Variants in MAST1 observed in about 807,000 individuals in gnomAD.
The protein encoded by MAST1 is microtubule associated serine/threonine kinase 1.
Under a neutral mutation model 124.6 loss-of-function variants are expected in MAST1, and 40 were observed. The observed-to-expected ratio is 0.32, with a 90% CI of 0.25 to 0.42. The LOEUF (loss-of-function observed/expected upper bound fraction) is 0.42. Among genes scored for constraint, MAST1 ranks in the 10% least tolerant of loss-of-function variants. MAST1 has a pLI of 1.00. For missense variants in MAST1, 1,558 were observed against 2,181.9 expected (o/e 0.71, Z 5.70); for synonymous variants, 938 against 939.4 (o/e 1.00, Z 0.03).
chr19:12,853,636 G>A (rs975291244), intron 10 of MAST1, among the ~76,000 whole-genome samples: 1 of 152,074 alleles, frequency 6.6e-6, no homozygotes, highest in African/African-American at 2.4e-5. Flanking sequence ...GGGAGGCCAA[G>A]ATGGGTGGAT....
In MAST1 at chr19:12,865,947, C is replaced by T. The variant is rs1568413524; in HGVS notation, c.1907-33C>T. 1 of 1,612,476 alleles carries T rather than the reference C, an allele frequency of 6.2e-7. No homozygotes were observed. The highest frequency in any genetic ancestry group is 1.7e-5 in the Admixed American group (1 of 59,930). ...GGCGGGGCTGGGCTGCTGGGTTGGC[C>T]ATCAGCTGTGGCTGGAATCCCTTCC... is the stretch of plus-strand genomic sequence containing the variant. On this transcript the variant is annotated intron_variant, in intron 16 of 25. Transcript: ENST00000251472. The surrounding 1 kb of genome is among the most constrained non-coding windows in gnomAD (Gnocchi z 7.1).
At chr19:12,839,947 A>T (rs1042581616) in intron 1 of MAST1, among the ~76,000 whole-genome samples, 1 of 152,230 alleles carries the variant, frequency 6.6e-6, no homozygotes, top group Admixed American at 6.5e-5. Flanking sequence ...TGCCTGTGTT[A>T]CAGCACACAT....
In MAST1 at chr19:12,841,054, C is replaced by A; in HGVS notation, c.236C>A (p.Ala79Asp). The A allele has an allele frequency of 6.6e-7, 1 of 1,511,268 alleles. No individual in the cohort carries two copies. The highest frequency in any genetic ancestry group is 9.2e-7 in the Non-Finnish European group (1 of 1,085,884). The allele number at this position is 1,511,268 out of a possible 1,614,324, so 93.6% of individuals were successfully genotyped here. A position where few individuals can be genotyped will look rare whatever the true frequency, so the allele number is the denominator to read the frequency against. ...SPNTPAHFSF[A>D]SSRRADGRRW... The stretch of plus-strand genomic sequence containing the variant: ...AACACCCCCGCCCACTTCTCGTTTG[C>A]CTCCTCCCGAAGGTGAGTCCCTCCC... Residue 79 changes from alanine to aspartate, a missense_variant, in exon 3 of 26, where the codon GCC becomes GAC. By Grantham distance (126) the Ala-to-Asp change is moderately radical (BLOSUM62 -2). Coordinates refer to ENST00000251472, the MANE Select transcript of MAST1 (RefSeq NM_014975.3). The surrounding 1 kb of genome is among the most constrained non-coding windows in gnomAD (Gnocchi z 4.3).
chr19:12,856,437 G>A (rs1386422553), intron 10 of MAST1, among the ~76,000 whole-genome samples: 2 of 151,590 alleles, frequency 1.3e-5, no homozygotes, highest in Non-Finnish European at 2.9e-5. Flanking sequence ...CAAGCAGCTG[G>A]GATTATAGGC....
intron 10 of MAST1, among the ~76,000 whole-genome samples, chr19:12,858,003 T>G (rs1160917390): frequency 1.6e-5 from 1 of 63,218 alleles, no homozygotes; most frequent in Non-Finnish European, 2.7e-5. Flanking sequence ...TGAGAACCTA[T>G]CTCAAAAAAA....
At chr19:12,868,136 T>G (rs1379739547) in intron 20 of MAST1, among the ~76,000 whole-genome samples, 159 bp downstream of exon 20, 1 of 135,192 alleles carries the variant, frequency 7.4e-6, no homozygotes, top group African/African-American at 2.8e-5. Context: ...TGAGACAGAG[T>G]CTCACTCCAT....
In MAST1 at chr19:12,864,829, C is replaced by T; in HGVS notation, c.1387C>T (p.Leu463=). Residue 463 remains leucine, a synonymous_variant, in exon 13 of 26, where the codon CTG becomes TTG. Coordinates refer to ENST00000251472, the MANE Select transcript of MAST1 (RefSeq NM_014975.3). ...TGCAGGCGGCGACTGTGCCACCCTG[C>T]TGAAGAATATTGGAGCGCTGCCCGT... ...YVEGGDCATL[L]KNIGALPVEM... is the part of the protein sequence containing the mutation. 6.2e-7 allele frequency: 1 copy of T among 1,613,986 alleles called. No individual in the cohort carries two copies. The highest frequency in any genetic ancestry group is 8.5e-7 in the Non-Finnish European group (1 of 1,180,030).
At chr19:12,849,873 C>T (rs998514553) in intron 7 of MAST1, among the ~76,000 whole-genome samples, 1 of 151,820 alleles carries the variant, frequency 6.6e-6, no homozygotes, top group South Asian at 2.1e-4. Flanking sequence ...TTTTGGCTCA[C>T]TGCAACCTCC....
At position 12,841,219 on chromosome 19, in the gene MAST1, C is replaced by T. The variant is rs537601313; in HGVS notation, c.248+153C>T. Among the ~76,000 whole-genome samples the T allele has an allele frequency of 2.9e-4, 44 of 152,154 alleles. No homozygotes were observed. The highest frequency in any genetic ancestry group is 1.0e-3 in the African/African-American group (43 of 41,538). On this transcript the variant is annotated intron_variant, in intron 3 of 25. Transcript: ENST00000251472. This position sits in a 1 kb window ranked among gnomAD's most constrained non-coding sequence, Gnocchi z 4.3. Reference sequence around the variant, plus strand: ...GGTCTCAGCGGGAAGGAGCGCCTAGCCTTCGGGGCGGGGCCTATAAGAAGG... The same window carrying T: ...GGTCTCAGCGGGAAGGAGCGCCTAGTCTTCGGGGCGGGGCCTATAAGAAGG...
rs1370761320 is a variant in MAST1, at chr19:12,873,645, C to T, written c.3488C>T (p.Thr1163Met). 2 of 1,595,260 alleles carry T rather than the reference C, an allele frequency of 1.3e-6. No homozygotes were observed. Among genetic ancestry groups the T allele is most frequent in the East Asian group, 2.2e-5 (1 of 44,610 alleles). ...SSQSSSPASS[T>M]PNSPASSASH... The stretch of plus-strand genomic sequence containing the variant: ...CAGAGCAGCTCCCCAGCCTCGAGCA[C>T]GCCCAACTCGCCTGCGTCGTCGGCG... The change falls in exon 26 of 26, where the codon ACG becomes ATG. Residue 1163 changes from threonine (T) to methionine (M), a missense_variant. This residue lies in a region of MAST1 where 291 missense variants were observed against 475.8 expected (regional missense o/e 0.61). Coordinates refer to ENST00000251472, the MANE Select transcript of MAST1 (RefSeq NM_014975.3).
chr19:12,856,076 A>C (rs1970013666), intron 10 of MAST1, among the ~76,000 whole-genome samples: 1 of 152,038 alleles, frequency 6.6e-6, no homozygotes, highest in Non-Finnish European at 1.5e-5. Flanking sequence ...CAATTCTGTC[A>C]ATTTTTATGT....
At chr19:12,856,631 G>A (rs558801261) in intron 10 of MAST1, among the ~76,000 whole-genome samples, 66 of 152,134 alleles carry the variant, frequency 4.3e-4, no homozygotes, top group African/African-American at 1.4e-3. Context: ...GCACATAAAC[G>A]TACAATACAT....
intron 4 of MAST1, among the ~76,000 whole-genome samples, chr19:12,844,883 T>C (rs1420460495): frequency 6.6e-6 from 1 of 152,090 alleles, no homozygotes; most frequent in African/African-American, 2.4e-5. Context: ...TGTACTAAAA[T>C]TTCAGTTTGA....
At position 12,867,570 on chromosome 19, in the gene MAST1, G is replaced by A. The variant is rs772683218; in HGVS notation, c.2236G>A (p.Glu746Lys). ...GCGGGAGCCGAGCACCAAGGGCCCCGAGGAGAAGGTGGCCGGCAAGCGGGA... is the reference window on the plus strand; with the variant it reads ...GCGGGAGCCGAGCACCAAGGGCCCCAAGGAGAAGGTGGCCGGCAAGCGGGA... ...SKREPSTKGP[E>K]EKVAGKREGL... Residue 746 changes from glutamate to lysine, a missense_variant, in exon 19 of 26, where the codon GAG (glutamate) becomes AAG (lysine). By Grantham distance (56) the Glu-to-Lys change is moderately conservative. This residue lies in a region of MAST1 where 287 missense variants were observed against 308.0 expected (regional missense o/e 0.93). Coordinates refer to ENST00000251472, the MANE Select transcript of MAST1 (RefSeq NM_014975.3). 6.2e-7 allele frequency: 1 copy of A among 1,613,580 alleles called. No individual in the cohort carries two copies. The highest frequency in any genetic ancestry group is 8.5e-7 in the Non-Finnish European group (1 of 1,179,856).
chr19:12,842,498 G>T (rs1473144581), intron 3 of MAST1, among the ~76,000 whole-genome samples: 1 of 152,110 alleles, frequency 6.6e-6, no homozygotes, highest in African/African-American at 2.4e-5. Context: ...TCACCAGGTT[G>T]GTCATGCTGG....
rs1970041797 is a variant in MAST1 at position 12,858,395 on chromosome 19, G to A, written c.1111G>A (p.Glu371Lys). The A allele has an allele frequency of 6.2e-7, 1 of 1,614,040 alleles. No individual in the cohort carries two copies. The highest frequency in any genetic ancestry group is 2.2e-5 in the East Asian group (1 of 44,860). The change falls in exon 11 of 26, where the codon GAG becomes AAG. Residue 371 changes from glutamate to lysine, a missense_variant. By Grantham distance (56) the Glu-to-Lys change is moderately conservative (BLOSUM62 1). Coordinates refer to ENST00000251472, the MANE Select transcript of MAST1 (RefSeq NM_014975.3). ...CAGCAAGGCCAAGAAACCGCCGGGG[G>A]AGAATGACTTCGATACCATCAAGCT... Reference protein sequence around the residue: ...RSSKAKKPPGENDFDTIKLIS... With the variant: ...RSSKAKKPPGKNDFDTIKLIS...
At chr19:12,852,677 TAAAAAA>T (rs35930918) in intron 10 of MAST1, among the ~76,000 whole-genome samples, 1 of 144,478 alleles carries the variant, frequency 6.9e-6, no homozygotes, top group African/African-American at 2.5e-5. Context: ...CGTTTCTACT[TAAAAAA>T]AAAAAAAATG....
chr19:12,874,004 C>T lies in MAST1; in HGVS notation c.3847C>T (p.Arg1283Cys). 6.2e-7 allele frequency: 1 copy of T among 1,605,092 alleles called. No individual in the cohort carries two copies. The change falls in exon 26 of 26, where the codon CGC (arginine) becomes TGC (cysteine). Residue 1283 changes from arginine to cysteine, a missense_variant. By Grantham distance (180) the Arg-to-Cys change is radical (BLOSUM62 -3). Coordinates refer to ENST00000251472, the MANE Select transcript of MAST1 (RefSeq NM_014975.3). The surrounding 1 kb of genome is among the most constrained non-coding windows in gnomAD (Gnocchi z 6.6). ...SLSADKKGAL[R>C]KHSLEVGHPD... is the part of the protein sequence containing the mutation. ...GAGTGCGGACAAGAAGGGCGCGCTGCGCAAACACAGCCTCGAGGTGGGCCA... is the reference window on the plus strand; with the variant it reads ...GAGTGCGGACAAGAAGGGCGCGCTGTGCAAACACAGCCTCGAGGTGGGCCA...
In MAST1 at chr19:12,863,041, C is replaced by T. The variant is rs543455892; in HGVS notation, c.1367-1768C>T. ...GTGCACGCCTATCATCCCAGCTACT[C>T]GGGAGGCTGAGGAACAAGAATCTCT... On this transcript the variant is annotated intron_variant, in intron 12 of 25. Transcript: ENST00000251472. 1.1e-4 allele frequency among the ~76,000 whole-genome samples: 16 copies of T among 150,216 alleles called. 1 individual carries two copies. In the South Asian group the frequency reaches 2.3e-3, roughly 22 times the overall value.
Sources: allele counts gnomAD v4.1 joint callset (sites outside exome capture counted in the v4.1 genomes callset), GRCh38; gene constraint gnomAD v4.1.1; regional missense constraint gnomAD v4.1.1; non-coding constraint Gnocchi (gnomAD v3.1); transcripts MANE v1.5; gene names NCBI Gene and HGNC (gene_info 2026-07-23, HGNC 2026-07-21).